Variants in DHDDS observed in about 807,000 individuals in gnomAD.
The protein encoded by DHDDS is dehydrodolichyl diphosphate synthase subunit.
Under a neutral mutation model 46.2 loss-of-function variants are expected in DHDDS, and 16 were observed. The ratio of observed to expected loss-of-function variants is 0.35; its 90% CI spans 0.23 to 0.53. The LOEUF (loss-of-function observed/expected upper bound fraction) is 0.53. Ranked by LOEUF, DHDDS falls within the 20% of genes least tolerant of loss-of-function variation. The pLI, the probability that DHDDS is intolerant of heterozygous loss-of-function variation, is 0.94. For missense variants in DHDDS, 340 were observed against 423.7 expected, an observed-to-expected ratio of 0.80 and a Z score of 1.73; for synonymous variants, 151 against 163.1, an observed-to-expected ratio of 0.93 and a Z score of 0.56.
chr1:26,445,867 A>G (rs1407994959), intron 4 of DHDDS, among the ~76,000 whole-genome samples: 2 of 151,850 alleles, frequency 1.3e-5, no homozygotes, highest in African/African-American at 4.8e-5. Flanking sequence ...TACTAAAAAT[A>G]TAAAAATTAG....
At chr1:26,438,467 C>A in intron 3 of DHDDS, 183 bp downstream of exon 3, 1 of 603,330 alleles carries the variant, frequency 1.7e-6, no homozygotes, top group South Asian at 1.8e-5. Flanking sequence ...GCTTTTGCCT[C>A]TAATCCCACA....
chr1:26,454,581 A>C, intron 6 of DHDDS: 8 of 756,432 alleles, frequency 1.1e-5, no homozygotes, highest in Non-Finnish European at 1.3e-5. Flanking sequence ...GATAGGACAA[A>C]TGGGCCCTGT....
rs2075352589 is a variant in DHDDS, at chr1:26,454,522, C to CA, written c.543-3266dup. The CA allele has an allele frequency of 1.9e-5, 11 of 564,262 alleles. No individual in the cohort carries two copies. In the South Asian group the frequency reaches 2.5e-4, roughly 13 times the overall value. 35.0% of individuals were successfully genotyped at this position (564,262 alleles called of 1,614,324 possible). A position where few individuals can be genotyped will look rare whatever the true frequency, so the allele number is the denominator to read the frequency against. The stretch of plus-strand genomic sequence containing the variant: ...CACTTTATAGTTCCCAAAGTGCACT[C>CA]AAATCTATTATTTCATTTGATTTGA... On this transcript the variant is annotated intron_variant, in intron 6 of 8. Coordinates refer to ENST00000236342, the MANE Select transcript of DHDDS (RefSeq NM_205861.3).
At chr1:26,468,015 C>G (rs1004163112) in intron 8 of DHDDS, among the ~76,000 whole-genome samples, 25 of 152,218 alleles carry the variant, frequency 1.6e-4, no homozygotes, top group African/African-American at 6.0e-4. Flanking sequence ...GAAGCCCAGT[C>G]TCTGCCCTCT....
At chr1:26,435,734 C>T (rs909526038) in intron 2 of DHDDS, among the ~76,000 whole-genome samples, 20 of 152,094 alleles carry the variant, frequency 1.3e-4, no homozygotes, top group Admixed American at 1.2e-3. Flanking sequence ...CCTGCCTCAG[C>T]CTCCCAAGTA....
intron 8 of DHDDS, 91 bp from the exon 9 acceptor site, chr1:26,468,804 A>ACCCAGTGGCCCC: frequency 7.9e-6 from 3 of 380,350 alleles, no homozygotes; most frequent in Non-Finnish European, 8.4e-6. Context: ...CACTTGGCCC[A>ACCCAGTGGCCCC]CCCTGTGCCC....
intron 2 of DHDDS, 50 bp downstream of exon 2, chr1:26,433,058 C>G: frequency 1.9e-6 from 3 of 1,591,110 alleles, no homozygotes; most frequent in Non-Finnish European, 2.6e-6. Context: ...GTTGGATAAT[C>G]TTATATAAAA....
At chr1:26,437,009 A>G (rs1007255690) in intron 2 of DHDDS, among the ~76,000 whole-genome samples, 7 of 151,896 alleles carry the variant, frequency 4.6e-5, no homozygotes, top group Non-Finnish European at 8.8e-5. Context: ...TCTCTACTAA[A>G]AATATAAAAA....
At position 26,449,503 on chromosome 1, in the gene DHDDS, C is replaced by G. The variant is rs944911491; in HGVS notation, c.542+1843C>G. ...GTAGTCTGTGCCTCCCGGGCCCAAGCAGTCCTCCCACTTCAGCCTTCCAAG... is the reference window on the plus strand; with the variant it reads ...GTAGTCTGTGCCTCCCGGGCCCAAGGAGTCCTCCCACTTCAGCCTTCCAAG... On this transcript the variant is annotated intron_variant, in intron 6 of 8. Coordinates refer to ENST00000236342, the MANE Select transcript of DHDDS (RefSeq NM_205861.3). Among the ~76,000 whole-genome samples, 4 of 152,130 alleles carry G rather than the reference C, an allele frequency of 2.6e-5. No homozygotes were observed. The East Asian group carries it at 7.7e-4, about 29-fold the overall frequency.
intron 3 of DHDDS, among the ~76,000 whole-genome samples, chr1:26,439,390 G>A (rs2075195656): frequency 6.6e-6 from 1 of 151,816 alleles, no homozygotes; most frequent in Non-Finnish European, 1.5e-5. Flanking sequence ...TTTCAGCCTG[G>A]GCAACATGGT....
chr1:26,454,851 C>G (rs1295724434), intron 6 of DHDDS: 1 of 1,586,136 alleles, frequency 6.3e-7, no homozygotes, highest in Non-Finnish European at 8.6e-7. Flanking sequence ...TGCTCAATGA[C>G]CAGAGAATCT....
rs979709653 is a variant in DHDDS, at chr1:26,446,705, T to G, written c.440+273T>G. Among the ~76,000 whole-genome samples the G allele has an allele frequency of 4.0e-5, 6 of 150,604 alleles. No homozygotes were observed. The highest frequency in any genetic ancestry group is 5.9e-5 in the Non-Finnish European group (4 of 67,986). On this transcript the variant is annotated intron_variant, in intron 5 of 8. Transcript: ENST00000236342. ...CCAAATAAGTGTGTGTGTGTGTGTG[T>G]GTGGGTGTGTTTTTACTTGACAGGG...
At chr1:26,453,532 G>T (rs2075341300) in intron 6 of DHDDS, among the ~76,000 whole-genome samples, 1 of 152,114 alleles carries the variant, frequency 6.6e-6, no homozygotes, top group African/African-American at 2.4e-5. Context: ...GAGGCAGGTT[G>T]GATCGCTTGA....
Position 26,438,281 on chromosome 1 carries a change from T to C in DHDDS, c.177T>C (p.Ala59=), listed in dbSNP as rs376413729. 19 of 1,613,792 alleles carry C rather than the reference T, an allele frequency of 1.2e-5. No individual in the cohort carries two copies. The highest frequency in any genetic ancestry group is 1.6e-5 in the Non-Finnish European group (19 of 1,179,794). The change falls in exon 3 of 9, where the codon GCT becomes GCC. Residue 59 remains alanine (A), a synonymous_variant. Coordinates refer to ENST00000236342, the MANE Select transcript of DHDDS (RefSeq NM_205861.3). ...EGHSQGFNKL[A]ETLRWCLNLG... ...ACTCACAGGGCTTCAACAAGCTAGCTGAGGTGGGTGTGTATGGCAGAGCCC... is the reference window on the plus strand; with the variant it reads ...ACTCACAGGGCTTCAACAAGCTAGCCGAGGTGGGTGTGTATGGCAGAGCCC...
intron 3 of DHDDS, among the ~76,000 whole-genome samples, chr1:26,440,819 G>A (rs186042728): frequency 4.9e-4 from 74 of 152,096 alleles, no homozygotes; most frequent in African/African-American, 1.6e-3. Context: ...TGTTGTCTAC[G>A]TTTAACCTCC....
At chr1:26,440,955 T>A (rs1302975642) in intron 3 of DHDDS, among the ~76,000 whole-genome samples, 1 of 151,740 alleles carries the variant, frequency 6.6e-6, no homozygotes, top group East Asian at 1.9e-4. Flanking sequence ...GACGGAGTGT[T>A]GCTCTGTCAC....
At chr1:26,455,212 T>G (rs1480873668) in intron 6 of DHDDS, 2 of 713,754 alleles carry the variant, frequency 2.8e-6, no homozygotes, top group Non-Finnish European at 5.1e-6. Flanking sequence ...TCAGGCCGCT[T>G]AGGGAAAGAG....
chr1:26,469,087 A>G lies in DHDDS; in HGVS notation c.958A>G (p.Lys320Glu). 6.2e-7 allele frequency: 1 copy of G among 1,613,280 alleles called. No homozygotes were observed. Among genetic ancestry groups the G allele is most frequent in the Non-Finnish European group, 8.5e-7 (1 of 1,180,034 alleles). The change falls in exon 9 of 9, where the codon AAG becomes GAG. Residue 320 changes from lysine to glutamate, a missense_variant. Coordinates refer to ENST00000236342, the MANE Select transcript of DHDDS (RefSeq NM_205861.3). ...VQGFLQALEL[K>E]RADWLARLGT... ...AGGCTTCCTGCAGGCCTTGGAACTCAAGCGAGCTGACTGGCTGGCCCGTCT... is the reference window on the plus strand; with the variant it reads ...AGGCTTCCTGCAGGCCTTGGAACTCGAGCGAGCTGACTGGCTGGCCCGTCT...
chr1:26,469,011 C>T lies in DHDDS; in HGVS notation c.882C>T (p.Leu294=). The change falls in exon 9 of 9, where the codon CTC becomes CTT. Residue 294 remains leucine, a synonymous_variant. Coordinates refer to ENST00000236342, the MANE Select transcript of DHDDS (RefSeq NM_205861.3). ...EGLQASGDAQ[L]RRTRLHKLSA... ...TCCAAGCCAGTGGGGACGCCCAGCT[C>T]CGAAGGACACGCTTGCACAAACTCT... is the stretch of plus-strand genomic sequence containing the variant. 1 of 1,614,144 alleles carries T rather than the reference C, an allele frequency of 6.2e-7. No individual in the cohort carries two copies. Among genetic ancestry groups the T allele is most frequent in the Middle Eastern group, 1.7e-4 (1 of 6,018 alleles).
Sources: allele counts gnomAD v4.1 joint callset (sites outside exome capture counted in the v4.1 genomes callset), GRCh38; gene constraint gnomAD v4.1.1; transcripts MANE v1.5; gene names NCBI Gene and HGNC (gene_info 2026-07-23, HGNC 2026-07-21).